ZNF326: variants seen among roughly 807,000 people sequenced by gnomAD.
The protein encoded by ZNF326 is zinc finger protein 326, also known as DBIRD complex subunit ZNF326.
In ZNF326, 30 loss-of-function variants were observed where a neutral mutation model predicts 63.1. The ratio of observed to expected loss-of-function variants is 0.48; its 90% CI spans 0.36 to 0.64. ZNF326 has a LOEUF of 0.64. Among genes scored for constraint, ZNF326 ranks in the 30% least tolerant of loss-of-function variants. The probability of loss-of-function intolerance (pLI) is 0.00; values close to 1 mark genes in which losing one functional copy is unlikely to be tolerated. For missense variants in ZNF326, 609 were observed against 720.3 expected (o/e 0.85, Z 1.77); for synonymous variants, 194 against 228.2 (o/e 0.85, Z 1.35).
At chr1:90,026,624 A>G (rs935958736) in intron 11 of ZNF326, among the ~76,000 whole-genome samples, 1 of 152,202 alleles carries the variant, frequency 6.6e-6, no homozygotes, top group Non-Finnish European at 1.5e-5. Flanking sequence ...GGTCTGGGAT[A>G]TTAGAGTAGC....
intron 2 of ZNF326, among the ~76,000 whole-genome samples, chr1:90,004,188 T>TG (rs1024720064): frequency 4.1e-5 from 6 of 145,174 alleles, no homozygotes; most frequent in African/African-American, 1.5e-4. Context: ...ATTGTATTAG[T>TG]TTTTTTTTTT....
intron 10 of ZNF326, among the ~76,000 whole-genome samples, chr1:90,021,826 A>G (rs1366006358): frequency 2.0e-5 from 3 of 152,036 alleles, no homozygotes; most frequent in Non-Finnish European, 4.4e-5. Context: ...CATTTTGGCA[A>G]TTTTCTATAC....
At position 90,003,402 on chromosome 1, in the gene ZNF326, G is replaced by A. The variant is rs531222639; in HGVS notation, c.62-1601G>A. Among the ~76,000 whole-genome samples, 5 of 152,274 alleles carry A rather than the reference G, an allele frequency of 3.3e-5. No individual in the cohort carries two copies. In the East Asian group the frequency reaches 7.7e-4, roughly 24 times the overall value. ...CTGCCTCGACCTCCCAAAGTGCTGG[G>A]ATTACAGGCGTGAGCCACCGCGCCC... is the stretch of plus-strand genomic sequence containing the variant. On this transcript the variant is annotated intron_variant, in intron 2 of 11. Coordinates refer to ENST00000340281, the MANE Select transcript of ZNF326 (RefSeq NM_182976.4).
chr1:90,025,374 G>GC (rs1649968216), intron 11 of ZNF326, among the ~76,000 whole-genome samples: 1 of 152,098 alleles, frequency 6.6e-6, no homozygotes, highest in African/African-American at 2.4e-5. Flanking sequence ...TGGGCTTACT[G>GC]CATACTCCAC....
At chr1:90,023,664 G>A (rs1031842113) in intron 11 of ZNF326, among the ~76,000 whole-genome samples, 5 of 152,172 alleles carry the variant, frequency 3.3e-5, no homozygotes, top group Admixed American at 2.6e-4. Context: ...TTTTATTCTT[G>A]CATTGTCACA....
At position 90,007,786 on chromosome 1, in the gene ZNF326, T is replaced by C. The variant is rs1158698913; in HGVS notation, c.615+36T>C. The C allele has an allele frequency of 3.4e-6, 5 of 1,471,600 alleles. No individual in the cohort carries two copies. Among genetic ancestry groups the C allele is most frequent in the East Asian group, 4.7e-5 (2 of 42,864 alleles). 91.2% of individuals were successfully genotyped at this position (1,471,600 alleles called of 1,614,324 possible). On this transcript the variant is annotated intron_variant, in intron 5 of 11. Transcript: ENST00000340281. The surrounding 1 kb of genome is among the most constrained non-coding windows in gnomAD (Gnocchi z 4.9). The stretch of plus-strand genomic sequence containing the variant: ...CAGAATCTTTTCAGATTCTTTTCAC[T>C]AGTCACTCTTTTAAACCCTTTCAAG...
intron 7 of ZNF326, among the ~76,000 whole-genome samples, chr1:90,016,849 G>A (rs755301758): frequency 1.1e-4 from 17 of 152,218 alleles, no homozygotes; most frequent in Non-Finnish European, 2.4e-4. Context: ...AAGTGAAGTA[G>A]TCTTTAGAAG....
intron 7 of ZNF326, among the ~76,000 whole-genome samples, chr1:90,016,105 T>C (rs1570311890): frequency 6.6e-6 from 1 of 152,068 alleles, no homozygotes; most frequent in East Asian, 1.9e-4. Flanking sequence ...CAATAATTAA[T>C]TGAATAATTA....
rs776134883 is a variant in ZNF326, at chr1:90,035,177, C to CT, written c.*7477dup. ...CAAGTCAGGATTAAGACAATAATGACTGTTGCCTATGCAACAATCATTTAA... is the reference window on the plus strand; with the variant it reads ...CAAGTCAGGATTAAGACAATAATGACTTGTTGCCTATGCAACAATCATTTAA... On this transcript the variant is annotated 3_prime_UTR_variant, in exon 12 of 12. Coordinates refer to ENST00000340281, the MANE Select transcript of ZNF326 (RefSeq NM_182976.4). 6.6e-6 allele frequency: 1 copy of CT among 152,198 alleles called. No individual in the cohort carries two copies. Among genetic ancestry groups the CT allele is most frequent in the Non-Finnish European group, 1.5e-5 (1 of 68,024 alleles). 9.4% of individuals were successfully genotyped at this position (152,198 alleles called of 1,614,324 possible).
intron 5 of ZNF326, among the ~76,000 whole-genome samples, chr1:90,009,861 A>G (rs1359268854): frequency 2.0e-5 from 3 of 152,116 alleles, no homozygotes; most frequent in Non-Finnish European, 2.9e-5. Flanking sequence ...GCAAATATTC[A>G]TTATTTGTTC....
rs1204104044 is a variant in ZNF326 at position 90,028,558 on chromosome 1, T to C, written c.*857T>C. On this transcript the variant is annotated 3_prime_UTR_variant, in exon 12 of 12. Coordinates refer to ENST00000340281, the MANE Select transcript of ZNF326 (RefSeq NM_182976.4). ...GTTTTCTGTAGTTGTGTTAGTTCTTTTGTCATGTCTGTTTTTGGCTGAAGA... is the reference window on the plus strand; with the variant it reads ...GTTTTCTGTAGTTGTGTTAGTTCTTCTGTCATGTCTGTTTTTGGCTGAAGA... 6.6e-6 allele frequency: 1 copy of C among 152,210 alleles called. No homozygotes were observed. Among genetic ancestry groups the C allele is most frequent in the African/African-American group, 2.4e-5 (1 of 41,478 alleles). 9.4% of individuals were successfully genotyped at this position (152,210 alleles called of 1,614,324 possible).
intron 6 of ZNF326, among the ~76,000 whole-genome samples, chr1:90,011,162 T>A (rs913132512): frequency 2.6e-5 from 4 of 152,192 alleles, no homozygotes; most frequent in South Asian, 4.1e-4. Context: ...ATACCCCCTT[T>A]TTATATAACA....
chr1:90,006,008 T>A (rs1297142352), intron 4 of ZNF326: 2 of 985,420 alleles, frequency 2.0e-6, no homozygotes, highest in Non-Finnish European at 2.4e-6. Context: ...GCACAAAGGT[T>A]CCTGCTGAAT....
chr1:90,005,142 G>A lies in ZNF326; in HGVS notation c.107G>A (p.Arg36His), dbSNP rs979400006. ...YGPGSYGGMD[R>H]DYGHGSYGGQ... ...TTTTAAACTCTTATAGGGATGGATCGTGACTATGGCCATGGATCCTATGGG... is the reference window on the plus strand; with the variant it reads ...TTTTAAACTCTTATAGGGATGGATCATGACTATGGCCATGGATCCTATGGG... The change falls in exon 4 of 12, where the codon CGT (arginine) becomes CAT (histidine). Residue 36 changes from arginine (R) to histidine (H), a missense_variant. Coordinates refer to ENST00000340281, the MANE Select transcript of ZNF326 (RefSeq NM_182976.4). 7 of 1,613,804 alleles carry A rather than the reference G, an allele frequency of 4.3e-6. No homozygotes were observed. The highest frequency in any genetic ancestry group is 4.5e-5 in the East Asian group (2 of 44,864).
At position 90,007,321 on chromosome 1, in the gene ZNF326, T is replaced by TC. The variant is rs780899556; in HGVS notation, c.210-21dup. 1.5e-4 allele frequency: 235 copies of TC among 1,560,538 alleles called. No homozygotes were observed. In the East Asian group the frequency reaches 5.2e-3, roughly 34 times the overall value. On this transcript the variant is annotated intron_variant, in intron 4 of 11. Transcript: ENST00000340281. The surrounding 1 kb of genome is among the most constrained non-coding windows in gnomAD (Gnocchi z 4.9). The stretch of plus-strand genomic sequence containing the variant: ...CATTAGTAAGCTTACTTTTGTTTTT[T>TC]CCCTCACTGTGCAACTTTTCCAGGT...
chr1:89,996,639 G>A (rs1648389238), intron 1 of ZNF326, among the ~76,000 whole-genome samples: 1 of 151,818 alleles, frequency 6.6e-6, no homozygotes, highest in African/African-American at 2.4e-5. Context: ...TTTGGGAGGC[G>A]GAGGCAGAAG....
chr1:90,026,972 A>G (rs1650039985), intron 11 of ZNF326, among the ~76,000 whole-genome samples: 1 of 152,132 alleles, frequency 6.6e-6, no homozygotes, highest in East Asian at 1.9e-4. Context: ...AGATTCTGTA[A>G]CATTAATACT....
Position 90,029,221 on chromosome 1 carries a change from C to T in ZNF326, c.*1520C>T, listed in dbSNP as rs907621127. On this transcript the variant is annotated 3_prime_UTR_variant, in exon 12 of 12. Transcript: ENST00000340281. ...GAATGTATGGACATTTGTAGAATCC[C>T]ACAGATAATTTATCTTTTTGTGTAA... The T allele has an allele frequency of 2.6e-5, 4 of 151,644 alleles. No individual in the cohort carries two copies. The highest frequency in any genetic ancestry group is 4.4e-5 in the Non-Finnish European group (3 of 67,988). The allele number at this position is 151,644 out of a possible 1,614,324, so 9.4% of individuals were successfully genotyped here. A position where few individuals can be genotyped will look rare whatever the true frequency, so the allele number is the denominator to read the frequency against.
Position 90,007,745 on chromosome 1 carries a change from C to A in ZNF326, c.610C>A (p.Arg204=), listed in dbSNP as rs199602348. 1 of 1,499,834 alleles carries A rather than the reference C, an allele frequency of 6.7e-7. No individual in the cohort carries two copies. Among genetic ancestry groups the A allele is most frequent in the Non-Finnish European group, 8.9e-7 (1 of 1,123,612 alleles). The allele number at this position is 1,499,834 out of a possible 1,614,324, so 92.9% of individuals were successfully genotyped here. A position where few individuals can be genotyped will look rare whatever the true frequency, so the allele number is the denominator to read the frequency against. Residue 204 remains arginine (R), a synonymous_variant, in exon 5 of 12, where the codon CGA becomes AGA. Transcript: ENST00000340281. This position sits in a 1 kb window ranked among gnomAD's most constrained non-coding sequence, Gnocchi z 4.9. ...ACCATCAACAGGCAGAGGCCGAGGC[C>A]GAGGAGTAAGTACAACAGAATCTTT... ...GGPSTGRGRG[R]GHMGDFGSIH... is the part of the protein sequence containing the mutation.
Sources: allele counts gnomAD v4.1 joint callset (sites outside exome capture counted in the v4.1 genomes callset), GRCh38; gene constraint gnomAD v4.1.1; non-coding constraint Gnocchi (gnomAD v3.1); transcripts MANE v1.5; gene names NCBI Gene and HGNC (gene_info 2026-07-23, HGNC 2026-07-21).